The following PGPEP1L variants were observed in gnomAD, a reference collection of about 807,000 sequenced individuals.
PGPEP1L encodes the protein pyroglutamyl-peptidase I like.
In PGPEP1L, 7 loss-of-function variants were observed where a neutral mutation model predicts 6.0. That is an observed-to-expected ratio of 1.17 (90% CI 0.66 to 2.19). The LOEUF is 2.19. Among genes scored for constraint, PGPEP1L ranks in the 30% most tolerant of loss-of-function variants. The pLI, the probability that PGPEP1L is intolerant of heterozygous loss-of-function variation, is 0.00. For synonymous variants in PGPEP1L, 103 were observed against 83.9 expected (o/e 1.23, Z -1.24); for missense variants, 209 against 192.5 (o/e 1.09, Z -0.51).
chr15:98,997,043 G>A (rs1482317683), intron 2 of PGPEP1L, among the ~76,000 whole-genome samples: 1 of 152,162 alleles, frequency 6.6e-6, no homozygotes, highest in African/African-American at 2.4e-5. Context: ...CTAAACCCAG[G>A]AGGCCTGGCT....
intron 3 of PGPEP1L, 93 bp from the exon 4 acceptor site, chr15:98,969,744 C>T (rs1596509001): frequency 6.8e-6 from 9 of 1,320,258 alleles, no homozygotes; most frequent in African/African-American, 1.4e-5. Context: ...TTTGAGAGCC[C>T]GGCTCTGTGC....
chr15:99,006,477 C>T (rs368836378), intron 1 of PGPEP1L, among the ~76,000 whole-genome samples: 1 of 152,338 alleles, frequency 6.6e-6, no homozygotes, highest in South Asian at 2.1e-4. Flanking sequence ...GCTATTTCCT[C>T]TATCGAAAAA....
chr15:98,983,695 T>G (rs1169202486), intron 2 of PGPEP1L, among the ~76,000 whole-genome samples: 1 of 152,216 alleles, frequency 6.6e-6, no homozygotes, highest in East Asian at 1.9e-4. Flanking sequence ...GTGCCCGTCC[T>G]AGTCTGGCTC....
chr15:98,996,270 CAG>C (rs1175185473), intron 2 of PGPEP1L, among the ~76,000 whole-genome samples: 1 of 152,144 alleles, frequency 6.6e-6, no homozygotes. Context: ...TGTGAAAAAT[CAG>C]AGGTTTTCAT....
intron 2 of PGPEP1L, among the ~76,000 whole-genome samples, chr15:99,004,271 T>C (rs1304730222): frequency 2.0e-5 from 3 of 151,854 alleles, no homozygotes; most frequent in African/African-American, 7.3e-5. Context: ...TTGGGGGGTG[T>C]GGTGGTGAGT....
chr15:98,981,813 G>T (rs75887670), intron 2 of PGPEP1L, among the ~76,000 whole-genome samples: 1 of 152,128 alleles, frequency 6.6e-6, no homozygotes, highest in Non-Finnish European at 1.5e-5. Flanking sequence ...ACATATAAAC[G>T]TATTTTTAAA....
At position 98,971,039 on chromosome 15, in the gene PGPEP1L, C is replaced by A. The variant is rs777566759; in HGVS notation, c.-22G>T. 2 of 1,613,532 alleles carry A rather than the reference C, an allele frequency of 1.2e-6. No homozygotes were observed. Among genetic ancestry groups the A allele is most frequent in the African/African-American group, 1.3e-5 (1 of 75,024 alleles). On this transcript the variant is annotated 5_prime_UTR_variant, in exon 3 of 5. Coordinates refer to ENST00000535714, the MANE Select transcript of PGPEP1L (RefSeq NM_001167902.2). ...ACTGCCTCTGGCCATCACTTACTTG[C>A]GGCTGATGATCTTCCCAGATTCCGG...
At chr15:98,989,629 A>T (rs2017792817) in intron 2 of PGPEP1L, among the ~76,000 whole-genome samples, 1 of 152,160 alleles carries the variant, frequency 6.6e-6, no homozygotes, top group East Asian at 1.9e-4. Flanking sequence ...AAATATAGAG[A>T]ACACCACAAA....
In PGPEP1L at chr15:98,988,763, G is replaced by A. The variant is rs146935787; in HGVS notation, c.-142+16666C>T. Reference sequence around the variant, plus strand: ...GAGCTCTGGCTGGCATCTGGCAGGTGCCCCTCTAGGACGAAGCTTCAGGCG... The same window carrying A: ...GAGCTCTGGCTGGCATCTGGCAGGTACCCCTCTAGGACGAAGCTTCAGGCG... On this transcript the variant is annotated intron_variant, in intron 2 of 4. Coordinates refer to ENST00000535714, the MANE Select transcript of PGPEP1L (RefSeq NM_001167902.2). Among the ~76,000 whole-genome samples the A allele has an allele frequency of 1.0e-3, 157 of 152,312 alleles. 4 individuals carry two copies. The East Asian group carries it at 0.027, about 27-fold the overall frequency.
chr15:98,990,319 TC>T (rs1296355359), intron 2 of PGPEP1L, among the ~76,000 whole-genome samples: 19 of 151,498 alleles, frequency 1.3e-4, no homozygotes, highest in Non-Finnish European at 1.3e-4. Flanking sequence ...AATCCTAGTC[TC>T]TGTTAAAAGA....
intron 2 of PGPEP1L, among the ~76,000 whole-genome samples, chr15:99,004,988 T>TA: frequency 6.6e-6 from 1 of 151,922 alleles, no homozygotes; most frequent in Non-Finnish European, 1.5e-5. Flanking sequence ...GTGGCTGTTG[T>TA]AGATGGGTTT....
intron 3 of PGPEP1L, 103 bp downstream of exon 3, chr15:98,970,933 G>C: frequency 6.6e-7 from 1 of 1,516,032 alleles, no homozygotes; most frequent in Admixed American, 2.0e-5. Context: ...CCTGGGGACG[G>C]GGTGCCCCTC....
At chr15:99,007,173 C>T (rs1555473780) in intron 1 of PGPEP1L, among the ~76,000 whole-genome samples, 186 bp downstream of exon 1, 1 of 152,188 alleles carries the variant, frequency 6.6e-6, no homozygotes, top group Non-Finnish European at 1.5e-5. Flanking sequence ...GCCATTTGCT[C>T]CCACTAGTCT....
chr15:98,974,171 A>C (rs1042464333), intron 2 of PGPEP1L, among the ~76,000 whole-genome samples: 1 of 151,888 alleles, frequency 6.6e-6, no homozygotes. Context: ...ACTTGAACCC[A>C]GGAGTTCAAG....
At chr15:98,972,613 A>C (rs2017514066) in intron 2 of PGPEP1L, among the ~76,000 whole-genome samples, 1 of 152,038 alleles carries the variant, frequency 6.6e-6, no homozygotes, top group Non-Finnish European at 1.5e-5. Context: ...TCACGCCTGT[A>C]ATCGCAGCAC....
rs116850157 is a variant in PGPEP1L at position 98,980,061 on chromosome 15, A to G, written c.-141-8903T>C. Among the ~76,000 whole-genome samples the G allele has an allele frequency of 2.6e-3, 394 of 152,288 alleles. 3 individuals carry two copies. In the East Asian group the frequency reaches 0.044, roughly 17 times the overall value. ...AAGGGTGGGAAGCAGGTGAGGGATG[A>G]AAGACTACAAATTGGGTTCATGTAT... On this transcript the variant is annotated intron_variant, in intron 2 of 4. Transcript: ENST00000535714.
At chr15:98,987,288 TG>T (rs1373881092) in intron 2 of PGPEP1L, among the ~76,000 whole-genome samples, 1 of 151,088 alleles carries the variant, frequency 6.6e-6, no homozygotes, top group Non-Finnish European at 1.5e-5. Flanking sequence ...GGAGTGTTGG[TG>T]GTAGAGTCTG....
intron 2 of PGPEP1L, among the ~76,000 whole-genome samples, chr15:98,992,376 G>A (rs1046290501): frequency 6.6e-6 from 1 of 152,024 alleles, no homozygotes; most frequent in African/African-American, 2.4e-5. Context: ...AAAATACCTA[G>A]GAATACAACT....
chr15:99,002,408 G>A (rs116118387), intron 2 of PGPEP1L, among the ~76,000 whole-genome samples: 6 of 152,246 alleles, frequency 3.9e-5, no homozygotes, highest in South Asian at 4.1e-4. Context: ...GAGCTAGCAC[G>A]AGTGAGCTTT....
Sources: allele counts gnomAD v4.1 joint callset (sites outside exome capture counted in the v4.1 genomes callset), GRCh38; gene constraint gnomAD v4.1.1; transcripts MANE v1.5; gene names NCBI Gene and HGNC (gene_info 2026-07-23, HGNC 2026-07-21).